CFAP299: variants seen among roughly 807,000 people sequenced by gnomAD.
CFAP299 encodes the protein cilia- and flagella-associated protein 299.
Under a neutral mutation model 27.0 loss-of-function variants are expected in CFAP299, and 21 were observed. That is an observed-to-expected ratio of 0.78 (90% CI 0.55 to 1.12). The LOEUF is 1.12. CFAP299 is among the 50% of genes most tolerant of loss of function. The pLI is 0.00. For missense variants in CFAP299, 310 were observed against 276.6 expected, an observed-to-expected ratio of 1.12 and a Z score of -0.86; for synonymous variants, 104 against 98.1, an observed-to-expected ratio of 1.06 and a Z score of -0.36.
Position 80,758,774 on chromosome 4 carries a change from T to C in CFAP299, c.334-111219T>C, listed in dbSNP as rs562585468. Among the ~76,000 whole-genome samples, 42 of 152,330 alleles carry C rather than the reference T, an allele frequency of 2.8e-4. No homozygotes were observed. The South Asian group carries it at 7.9e-3, about 29-fold the overall frequency. On this transcript the variant is annotated intron_variant, in intron 3 of 5. Coordinates refer to ENST00000358105, the MANE Select transcript of CFAP299 (RefSeq NM_152770.3). ...TTCATTTGATGGCAAAAAATGCACA[T>C]CTGTCATGTGAAGGTATGTTTTCTA...
At chr4:80,510,167 T>C (rs1372704236) in intron 2 of CFAP299, among the ~76,000 whole-genome samples, 1 of 152,162 alleles carries the variant, frequency 6.6e-6, no homozygotes, top group Non-Finnish European at 1.5e-5. Flanking sequence ...TTTCCTCCTC[T>C]TTGTTATTAT....
At chr4:80,410,006 A>G (rs1726639581) in intron 2 of CFAP299, among the ~76,000 whole-genome samples, 1 of 152,154 alleles carries the variant, frequency 6.6e-6, no homozygotes, top group Non-Finnish European at 1.5e-5. Context: ...TGATGTAAGG[A>G]ATGGGGACTA....
chr4:80,767,010 C>A (rs1047968025), intron 3 of CFAP299, among the ~76,000 whole-genome samples: 1 of 152,172 alleles, frequency 6.6e-6, no homozygotes, highest in Non-Finnish European at 1.5e-5. Context: ...AGCAGTCCCC[C>A]CTTATCCGAA....
intron 3 of CFAP299, among the ~76,000 whole-genome samples, chr4:80,678,189 G>C (rs1719593793): frequency 6.6e-6 from 1 of 151,762 alleles, no homozygotes; most frequent in African/African-American, 2.4e-5. Context: ...TCAAAATCCT[G>C]TCCGCTCTTC....
At chr4:80,576,440 C>T (rs1368860214) in intron 2 of CFAP299, among the ~76,000 whole-genome samples, 6 of 151,804 alleles carry the variant, frequency 4.0e-5, no homozygotes, top group African/African-American at 1.5e-4. Context: ...ATATTTAACT[C>T]TCAAATGAGT....
chr4:80,604,818 A>G (rs1381519425), intron 3 of CFAP299, among the ~76,000 whole-genome samples: 1 of 152,084 alleles, frequency 6.6e-6, no homozygotes, highest in Non-Finnish European at 1.5e-5. Context: ...TGCACGTCAC[A>G]TCAGAAACGC....
At chr4:80,606,522 G>T (rs767750322) in intron 3 of CFAP299, among the ~76,000 whole-genome samples, 3 of 152,056 alleles carry the variant, frequency 2.0e-5, no homozygotes, top group Non-Finnish European at 4.4e-5. Context: ...GCAACAGAGC[G>T]AGAATCTGTT....
chr4:80,592,385 A>T (rs1736832732), intron 3 of CFAP299, among the ~76,000 whole-genome samples: 3 of 152,202 alleles, frequency 2.0e-5, no homozygotes, highest in Non-Finnish European at 2.9e-5. Context: ...AGATCTATAA[A>T]TTGTAAGAAA....
At position 80,386,563 on chromosome 4, in the gene CFAP299, G is replaced by A. The variant is rs532227927; in HGVS notation, c.242+23679G>A. 6 of 1,596,576 alleles carry A rather than the reference G, an allele frequency of 3.8e-6. No individual in the cohort carries two copies. The East Asian group carries it at 9.0e-5, about 24-fold the overall frequency. On this transcript the variant is annotated intron_variant, in intron 2 of 5. Coordinates refer to ENST00000358105, the MANE Select transcript of CFAP299 (RefSeq NM_152770.3). Reference sequence around the variant, plus strand: ...GCAGGTCCTTTTCCTTCTGGGGGCCGAGACGACAGCGGTGATCTTTGAGGT... The same window carrying A: ...GCAGGTCCTTTTCCTTCTGGGGGCCAAGACGACAGCGGTGATCTTTGAGGT...
At chr4:80,390,496 TATATGTATATATACACAC>T (rs1725270034) in intron 2 of CFAP299, among the ~76,000 whole-genome samples, 1 of 146,188 alleles carries the variant, frequency 6.8e-6, no homozygotes, top group Non-Finnish European at 1.5e-5. Context: ...TCTCTCTATA[TATATGTATATATACACAC>T]ATATATGTAT....
chr4:80,693,887 G>C (rs1578029028), intron 3 of CFAP299, among the ~76,000 whole-genome samples: 1 of 150,354 alleles, frequency 6.7e-6, no homozygotes, highest in South Asian at 2.1e-4. Flanking sequence ...TAGAAATTTT[G>C]CAATAAAAAT....
At chr4:80,414,064 CTTTTTTTTTTT>C (rs1170153950) in intron 2 of CFAP299, among the ~76,000 whole-genome samples, 12 of 62,450 alleles carry the variant, frequency 1.9e-4, no homozygotes, top group African/African-American at 5.6e-4. Context: ...ATGGGTATTT[CTTTTTTTTTTT>C]TTTTTTTTTT....
At chr4:80,599,618 A>G (rs1358985297) in intron 3 of CFAP299, among the ~76,000 whole-genome samples, 1 of 152,126 alleles carries the variant, frequency 6.6e-6, no homozygotes, top group Admixed American at 6.6e-5. Context: ...GAGGTATTGA[A>G]TTTAAGGACC....
chr4:80,772,528 A>C (rs2110084805), intron 3 of CFAP299, among the ~76,000 whole-genome samples: 1 of 152,090 alleles, frequency 6.6e-6, no homozygotes, highest in South Asian at 2.1e-4. Flanking sequence ...TTGAGAAAGC[A>C]TACTTTCCCA....
intron 1 of CFAP299, among the ~76,000 whole-genome samples, chr4:80,348,144 G>T (rs941432407): frequency 6.6e-6 from 1 of 151,984 alleles, no homozygotes; most frequent in African/African-American, 2.4e-5. Flanking sequence ...ACAAAAATTA[G>T]CTCAAGATTG....
At chr4:80,351,642 T>C (rs1015441190) in intron 1 of CFAP299, among the ~76,000 whole-genome samples, 1 of 151,874 alleles carries the variant, frequency 6.6e-6, no homozygotes, top group Non-Finnish European at 1.5e-5. Context: ...ATGTAAATGA[T>C]CTAAACATTT....
Position 80,956,685 on chromosome 4 carries a change from C to G in CFAP299, c.607-6832C>G, listed in dbSNP as rs1012616. ...CTGGTCTCCAACTCCTGGCCTCAAG[C>G]GATCCTCCTGCCTTGGCCACCCAAA... On this transcript the variant is annotated intron_variant, in intron 5 of 5. Transcript: ENST00000358105. Among the ~76,000 whole-genome samples, 1,519 of 151,932 alleles carry G rather than the reference C, an allele frequency of 1.0e-2. 29 individuals are homozygous for G. Among genetic ancestry groups the G allele is most frequent in the African/African-American group, 0.034 (1,426 of 41,440 alleles).
chr4:80,347,203 A>G (rs1053925752), intron 1 of CFAP299, among the ~76,000 whole-genome samples: 5 of 152,102 alleles, frequency 3.3e-5, no homozygotes, highest in Non-Finnish European at 5.9e-5. Context: ...TAAATATACA[A>G]TCATGTCATC....
At chr4:80,757,397 A>G (rs562836257) in intron 3 of CFAP299, among the ~76,000 whole-genome samples, 4 of 152,326 alleles carry the variant, frequency 2.6e-5, no homozygotes, top group African/African-American at 4.8e-5. Flanking sequence ...AATTAAATTT[A>G]TAAGAAATTA....
Sources: gnomAD v4.1 joint callset for allele counts (sites outside exome capture counted in the v4.1 genomes callset) on GRCh38, gnomAD v4.1.1 for gene constraint, MANE v1.5 for transcripts, NCBI Gene and HGNC (gene_info 2026-07-23, HGNC 2026-07-21) for gene names.